The following CDH4 variants were observed in gnomAD, a reference collection of about 807,000 sequenced individuals.
The protein encoded by CDH4 is cadherin-4.
Under a neutral mutation model 86.0 loss-of-function variants are expected in CDH4, and 33 were observed. The observed-to-expected ratio is 0.38, with a 90% confidence interval of 0.29 to 0.51. The LOEUF (loss-of-function observed/expected upper bound fraction) is 0.51, where lower values mean the gene tolerates loss of function less well. Ranked by LOEUF, CDH4 falls within the 20% of genes least tolerant of loss-of-function variation. The pLI, the probability that CDH4 is intolerant of heterozygous loss-of-function variation, is 0.86. For missense variants in CDH4, 1,114 were observed against 1,307.4 expected (o/e 0.85, Z 2.28); for synonymous variants, 555 against 549.4 (o/e 1.01, Z -0.14).
rs1285863863 is a variant in CDH4, at chr20:61,623,609, A to G, written c.170-119954A>G. Reference sequence around the variant, plus strand: ...GGCCGTGTTGTCTTTCCTCTACATGAGCATCATTCGTGCAAAGTGCATCAC... The same window carrying G: ...GGCCGTGTTGTCTTTCCTCTACATGGGCATCATTCGTGCAAAGTGCATCAC... On this transcript the variant is annotated intron_variant, in intron 2 of 15. Coordinates refer to ENST00000614565, the MANE Select transcript of CDH4 (RefSeq NM_001794.5). This position sits in a 1 kb window ranked among gnomAD's most constrained non-coding sequence, Gnocchi z 4.4. Among the ~76,000 whole-genome samples the G allele has an allele frequency of 6.6e-6, 1 of 152,130 alleles. No homozygotes were observed. Among genetic ancestry groups the G allele is most frequent in the Non-Finnish European group, 1.5e-5 (1 of 68,022 alleles).
At chr20:61,645,725 C>T (rs542332133) in intron 2 of CDH4, among the ~76,000 whole-genome samples, 160 of 152,298 alleles carry the variant, frequency 1.1e-3, no homozygotes, top group African/African-American at 3.7e-3. Flanking sequence ...TTTCACCCCC[C>T]TTCAACCACC....
chr20:61,403,042 C>A (rs2085058570), intron 2 of CDH4, among the ~76,000 whole-genome samples: 1 of 152,204 alleles, frequency 6.6e-6, no homozygotes, highest in South Asian at 2.1e-4. Flanking sequence ...TTTTGTGGGA[C>A]TTCCAGAAAG....
At chr20:61,313,306 A>C (rs62198822) in intron 2 of CDH4, among the ~76,000 whole-genome samples, 21,756 of 152,224 alleles carry the variant, frequency 0.14, 1,718 homozygotes, top group South Asian at 0.17. Context: ...GAGACCCAGA[A>C]GCAGCAGGGA....
At chr20:61,666,155 C>T (rs1274184430) in intron 2 of CDH4, among the ~76,000 whole-genome samples, 1 of 152,214 alleles carries the variant, frequency 6.6e-6, no homozygotes, top group Non-Finnish European at 1.5e-5. Context: ...GCCATGGCCT[C>T]CTGCCCTCAT....
In CDH4 at chr20:61,500,158, C is replaced by T. The variant is rs111848358; in HGVS notation, c.170-243405C>T. Among the ~76,000 whole-genome samples the T allele has an allele frequency of 6.4e-3, 974 of 152,260 alleles. 9 individuals are homozygous for T. Among genetic ancestry groups the T allele is most frequent in the African/African-American group, 0.023 (942 of 41,550 alleles). On this transcript the variant is annotated intron_variant, in intron 2 of 15. Transcript: ENST00000614565. ...GGGCGTCCCCTGGCCTCGGGATGGT[C>T]CCGTGTGTCAGTAACATGTTCATAC...
At chr20:61,505,231 A>C (rs2085732071) in intron 2 of CDH4, among the ~76,000 whole-genome samples, 1 of 152,144 alleles carries the variant, frequency 6.6e-6, no homozygotes, top group Non-Finnish European at 1.5e-5. Context: ...TGAAGACGAG[A>C]GCAGGAGAGA....
intron 2 of CDH4, among the ~76,000 whole-genome samples, chr20:61,550,126 A>G (rs1162406600): frequency 1.2e-5 from 1 of 83,616 alleles, no homozygotes; most frequent in South Asian, 3.7e-4. Context: ...AGGTTGCCTC[A>G]CTGGCCTCCC....
intron 2 of CDH4, among the ~76,000 whole-genome samples, chr20:61,679,283 T>C (rs1017273775): frequency 9.9e-5 from 15 of 152,210 alleles, no homozygotes; most frequent in Admixed American, 1.3e-4. Flanking sequence ...TCCAGCTTTT[T>C]TGCAGCATAG....
intron 2 of CDH4, among the ~76,000 whole-genome samples, chr20:61,464,376 C>G (rs377106503): frequency 1.3e-5 from 2 of 152,148 alleles, no homozygotes; most frequent in Admixed American, 6.5e-5. Flanking sequence ...GGAGTCTGTT[C>G]TAGGCTATGA....
At chr20:61,843,614 G>A (rs935150168) in intron 4 of CDH4, among the ~76,000 whole-genome samples, 245 of 151,886 alleles carry the variant, frequency 1.6e-3, no homozygotes, top group Non-Finnish European at 2.2e-3. Flanking sequence ...GATTGCTTGA[G>A]CACAGGAGGT....
chr20:61,534,259 C>T (rs769204083), intron 2 of CDH4, among the ~76,000 whole-genome samples: 57 of 152,148 alleles, frequency 3.7e-4, no homozygotes, highest in Non-Finnish European at 6.8e-4. Flanking sequence ...TCCATTTTTT[C>T]TTGTCATGTC....
chr20:61,783,437 GA>G (rs1209938989), intron 4 of CDH4, among the ~76,000 whole-genome samples: 1 of 152,222 alleles, frequency 6.6e-6, no homozygotes, highest in African/African-American at 2.4e-5. Flanking sequence ...ATACGTGAGA[GA>G]AATGTAATCC....
chr20:61,850,336 C>T (rs1416302049), intron 5 of CDH4, among the ~76,000 whole-genome samples: 1 of 152,244 alleles, frequency 6.6e-6, no homozygotes, highest in Non-Finnish European at 1.5e-5. Flanking sequence ...TGAGCAAACG[C>T]ACGGTGCGTG....
At chr20:61,615,207 C>T (rs1568714122) in intron 2 of CDH4, among the ~76,000 whole-genome samples, 1 of 151,952 alleles carries the variant, frequency 6.6e-6, no homozygotes, top group Non-Finnish European at 1.5e-5. Flanking sequence ...CTGCAGCCTC[C>T]ACATCCTGGG....
intron 2 of CDH4, among the ~76,000 whole-genome samples, chr20:61,595,238 A>T (rs6121716): frequency 6.6e-6 from 1 of 152,148 alleles, no homozygotes; most frequent in African/African-American, 2.4e-5. Context: ...CCAGCCCTGC[A>T]TGTGTGAGGA....
intron 2 of CDH4, among the ~76,000 whole-genome samples, chr20:61,274,479 G>A (rs187076405): frequency 1.4e-5 from 2 of 147,292 alleles, no homozygotes; most frequent in South Asian, 4.4e-4. Flanking sequence ...GTGCAGTTTA[G>A]GGGAGTACCG....
chr20:61,346,594 A>C (rs2084680584), intron 2 of CDH4, among the ~76,000 whole-genome samples: 1 of 152,070 alleles, frequency 6.6e-6, no homozygotes, highest in African/African-American at 2.4e-5. Context: ...AAATACAAAA[A>C]TTAGCTGGGC....
chr20:61,553,309 G>A lies in CDH4; in HGVS notation c.170-190254G>A, dbSNP rs141451026. Among the ~76,000 whole-genome samples, 20 of 152,322 alleles carry A rather than the reference G, an allele frequency of 1.3e-4. No homozygotes were observed. In the East Asian group the frequency reaches 3.9e-3, roughly 29 times the overall value. ...GGGGAAAATGGACAGAGACACTAATGGGTGCAGGGTTTCTTTTGGGGGCAA... is the reference window on the plus strand; with the variant it reads ...GGGGAAAATGGACAGAGACACTAATAGGTGCAGGGTTTCTTTTGGGGGCAA... On this transcript the variant is annotated intron_variant, in intron 2 of 15. Coordinates refer to ENST00000614565, the MANE Select transcript of CDH4 (RefSeq NM_001794.5).
At chr20:61,880,412 TCTG>T (rs1415006579) in intron 7 of CDH4, among the ~76,000 whole-genome samples, 4 of 152,112 alleles carry the variant, frequency 2.6e-5, no homozygotes, top group African/African-American at 7.2e-5. Flanking sequence ...TTGAGACAAA[TCTG>T]CTGCTGACCC....
Sources: allele counts gnomAD v4.1 joint callset (sites outside exome capture counted in the v4.1 genomes callset), GRCh38; gene constraint gnomAD v4.1.1; non-coding constraint Gnocchi (gnomAD v3.1); transcripts MANE v1.5; gene names NCBI Gene and HGNC (gene_info 2026-07-23, HGNC 2026-07-21).